Variants in EFCAB6 observed in about 807,000 individuals in gnomAD.
The protein encoded by EFCAB6 is EF-hand calcium-binding domain-containing protein 6.
EFCAB6 carries 156 observed loss-of-function variants against 169.8 expected under a neutral mutation model. The ratio of observed to expected loss-of-function variants is 0.92; its 90% confidence interval spans 0.81 to 1.05. EFCAB6 has a LOEUF of 1.05. Ranked by LOEUF, EFCAB6 falls within the 50% of genes least tolerant of loss-of-function variation. The pLI is 0.00. For synonymous variants in EFCAB6, 698 were observed against 676.4 expected, an observed-to-expected ratio of 1.03 and a Z score of -0.50; for missense variants, 1,800 against 1,829.1, an observed-to-expected ratio of 0.98 and a Z score of 0.29.
chr22:43,703,725 A>C (rs1423724237), intron 10 of EFCAB6, among the ~76,000 whole-genome samples: 1 of 152,210 alleles, frequency 6.6e-6, no homozygotes, highest in Admixed American at 6.5e-5. Flanking sequence ...TGAAAAAAAA[A>C]ATGCAACCAA....
intron 10 of EFCAB6, among the ~76,000 whole-genome samples, chr22:43,688,258 A>C (rs1052768465): frequency 2.6e-5 from 4 of 152,202 alleles, no homozygotes; most frequent in Admixed American, 1.3e-4. Context: ...GAAGGAAAAA[A>C]GCCCTGCTGA....
At chr22:43,761,838 T>G (rs973277045) in intron 5 of EFCAB6, among the ~76,000 whole-genome samples, 4 of 152,224 alleles carry the variant, frequency 2.6e-5, no homozygotes, top group Middle Eastern at 3.4e-3. Context: ...TATTTGATAT[T>G]ACATCTATTG....
chr22:43,656,391 TAA>T (rs745861153), intron 17 of EFCAB6, among the ~76,000 whole-genome samples: 7 of 139,128 alleles, frequency 5.0e-5, no homozygotes, highest in Admixed American at 7.2e-5. Context: ...AAACGCCATC[TAA>T]AAAAAAAAAA....
In EFCAB6 at chr22:43,645,170, G is replaced by T. The variant is rs1464580728; in HGVS notation, c.1984-9954C>A. On this transcript the variant is annotated intron_variant, in intron 17 of 31. Transcript: ENST00000262726. ...TTTCCTTATTCACTCTTTATTTGCT[G>T]CTGTTTAAGTTGCCAACCTCCCTTC... 2.0e-5 allele frequency among the ~76,000 whole-genome samples: 3 copies of T among 152,162 alleles called. No individual in the cohort carries two copies. The East Asian group carries it at 5.8e-4, about 29-fold the overall frequency.
chr22:43,773,140 A>G (rs752278664), intron 3 of EFCAB6, 37 bp from the exon 4 acceptor site: 1 of 1,603,680 alleles, frequency 6.2e-7, no homozygotes, highest in South Asian at 1.1e-5. Context: ...AAACATGTTT[A>G]AAGCCAAGAT....
intron 28 of EFCAB6, among the ~76,000 whole-genome samples, chr22:43,538,585 C>T (rs1242320264): frequency 6.6e-6 from 1 of 152,132 alleles, no homozygotes; most frequent in African/African-American, 2.4e-5. Flanking sequence ...GATGGGGTTT[C>T]CCCATGTTGG....
chr22:43,571,046 C>T (rs1014839687), intron 26 of EFCAB6, among the ~76,000 whole-genome samples: 1 of 152,218 alleles, frequency 6.6e-6, no homozygotes, highest in Non-Finnish European at 1.5e-5. Flanking sequence ...CATGGTCAAG[C>T]CACACAGCAG....
intron 10 of EFCAB6, among the ~76,000 whole-genome samples, chr22:43,702,039 T>G (rs2147280671): frequency 6.6e-6 from 1 of 152,228 alleles, no homozygotes; most frequent in African/African-American, 2.4e-5. Flanking sequence ...AGAGACCCAG[T>G]CAGTGCCCAG....
chr22:43,623,914 A>G (rs1159853904), intron 20 of EFCAB6, among the ~76,000 whole-genome samples: 2 of 150,014 alleles, frequency 1.3e-5, no homozygotes, highest in African/African-American at 2.5e-5. Flanking sequence ...TTCTCAAAAA[A>G]AAAAAAAAGA....
At chr22:43,631,087 G>T (rs372788862) in intron 19 of EFCAB6, among the ~76,000 whole-genome samples, 2 of 151,844 alleles carry the variant, frequency 1.3e-5, no homozygotes, top group Admixed American at 1.3e-4. Context: ...CAGGAAATGG[G>T]GTGTTGCCCT....
At chr22:43,716,678 T>C in intron 9 of EFCAB6, 170 bp downstream of exon 9, 1 of 636,164 alleles carries the variant, frequency 1.6e-6, no homozygotes, top group African/African-American at 1.9e-5. Flanking sequence ...CGATTATCCA[T>C]GATCAATGTA....
At chr22:43,632,580 G>A (rs1462926997) in intron 18 of EFCAB6, among the ~76,000 whole-genome samples, 12 of 152,200 alleles carry the variant, frequency 7.9e-5, no homozygotes, top group Admixed American at 3.3e-4. Flanking sequence ...GATTATAGGC[G>A]TGAGCCACCA....
At chr22:43,723,105 T>C (rs1335345491) in intron 8 of EFCAB6, among the ~76,000 whole-genome samples, 1 of 152,204 alleles carries the variant, frequency 6.6e-6, no homozygotes, top group Non-Finnish European at 1.5e-5. Flanking sequence ...AGAACTAGAA[T>C]TAAAAGTGGA....
At chr22:43,690,924 T>C (rs1422385239) in intron 10 of EFCAB6, among the ~76,000 whole-genome samples, 5 of 152,094 alleles carry the variant, frequency 3.3e-5, no homozygotes, top group Non-Finnish European at 7.4e-5. Flanking sequence ...TATTAGACTT[T>C]CATTACACTA....
At chr22:43,641,616 C>CAA (rs36039582) in intron 17 of EFCAB6, among the ~76,000 whole-genome samples, 35,245 of 121,724 alleles carry the variant, frequency 0.29, 5,655 homozygotes, top group East Asian at 0.62. Context: ...AACTCCATCT[C>CAA]AAAAAAAAAA....
At chr22:43,804,711 C>A (rs2062848318) in intron 2 of EFCAB6, among the ~76,000 whole-genome samples, 1 of 146,120 alleles carries the variant, frequency 6.8e-6, no homozygotes, top group Admixed American at 7.0e-5. Context: ...CTGCAGTGAG[C>A]TATGATCCTG....
intron 23 of EFCAB6, among the ~76,000 whole-genome samples, chr22:43,595,424 G>A (rs989830471): frequency 1.3e-5 from 2 of 151,984 alleles, no homozygotes; most frequent in Admixed American, 1.3e-4. Context: ...AGATAAAAAA[G>A]GAAGTATTAC....
chr22:43,785,259 A>C (rs2062034490), intron 2 of EFCAB6, among the ~76,000 whole-genome samples: 2 of 152,206 alleles, frequency 1.3e-5, no homozygotes, highest in Non-Finnish European at 2.9e-5. Context: ...ATCATTCTCC[A>C]GTATAAACCA....
intron 10 of EFCAB6, among the ~76,000 whole-genome samples, chr22:43,698,014 G>A (rs1223829276): frequency 1.3e-5 from 2 of 152,148 alleles, no homozygotes; most frequent in Admixed American, 6.5e-5. Flanking sequence ...CCCCTTAACT[G>A]AGGGGGACTC....
Sources: gnomAD v4.1 joint callset for allele counts (sites outside exome capture counted in the v4.1 genomes callset) on GRCh38, gnomAD v4.1.1 for gene constraint, MANE v1.5 for transcripts, NCBI Gene and HGNC (gene_info 2026-07-23, HGNC 2026-07-21) for gene names.